ANKRD44: variants seen among roughly 807,000 people sequenced by gnomAD.
ANKRD44 encodes the protein serine/threonine-protein phosphatase 6 regulatory ankyrin repeat subunit B.
ANKRD44 carries 35 observed loss-of-function variants against 116.0 expected under a neutral mutation model. The observed-to-expected ratio is 0.30, with a 90% confidence interval of 0.23 to 0.40. The LOEUF is 0.40. ANKRD44 is among the 10% of genes least tolerant of loss of function. The pLI is 1.00. For missense variants in ANKRD44, 1,014 were observed against 1,242.6 expected (o/e 0.82, Z 2.77); for synonymous variants, 435 against 461.8 (o/e 0.94, Z 0.74).
intron 4 of ANKRD44, among the ~76,000 whole-genome samples, chr2:197,126,333 T>C (rs1002744647): frequency 6.6e-6 from 1 of 152,184 alleles, no homozygotes; most frequent in African/African-American, 2.4e-5. Context: ...TTAGGCCAAA[T>C]GAGAACACCC....
At chr2:197,008,885 C>A (rs1237013426) in intron 19 of ANKRD44, 59 bp downstream of exon 19, 3 of 1,495,364 alleles carry the variant, frequency 2.0e-6, no homozygotes, top group South Asian at 1.1e-5. Context: ...TTTAAGAAAC[C>A]AACCAGGTAG....
intron 1 of ANKRD44, among the ~76,000 whole-genome samples, chr2:197,220,130 T>A (rs2081550322): frequency 6.6e-6 from 1 of 152,216 alleles, no homozygotes; most frequent in African/African-American, 2.4e-5. Flanking sequence ...TATTTTTAAA[T>A]GTAGAAACAA....
chr2:197,242,856 T>A (rs1192662428), intron 1 of ANKRD44, among the ~76,000 whole-genome samples: 1 of 152,138 alleles, frequency 6.6e-6, no homozygotes, highest in Non-Finnish European at 1.5e-5. Context: ...AACAGGGGAA[T>A]TAAGTCAGGA....
At chr2:197,218,979 T>A (rs2125720098) in intron 1 of ANKRD44, among the ~76,000 whole-genome samples, 1 of 151,624 alleles carries the variant, frequency 6.6e-6, no homozygotes, top group African/African-American at 2.4e-5. Flanking sequence ...AGGCTGATCT[T>A]GAATTCCTGA....
chr2:197,124,247 C>T (rs964263909), intron 6 of ANKRD44, among the ~76,000 whole-genome samples: 4 of 152,126 alleles, frequency 2.6e-5, no homozygotes, highest in African/African-American at 7.2e-5. Context: ...CCACCTTTAG[C>T]CACATAATTT....
In ANKRD44 at chr2:197,164,818, G is replaced by GT. The variant is rs112837983; in HGVS notation, c.112-17714dup. On this transcript the variant is annotated intron_variant, in intron 2 of 27. Transcript: ENST00000282272. ...CCTCTGTGTTCCCTGGGTTTTGAGG[G>GT]TTTTTTTTTTCCATTTAGTTTATTC... 5.9e-3 allele frequency among the ~76,000 whole-genome samples: 884 copies of GT among 149,646 alleles called. 7 individuals are homozygous for GT. Among genetic ancestry groups the GT allele is most frequent in the African/African-American group, 0.019 (774 of 40,848 alleles).
intron 21 of ANKRD44, among the ~76,000 whole-genome samples, chr2:196,973,024 GA>G (rs928986064): frequency 1.2e-4 from 18 of 152,164 alleles, no homozygotes; most frequent in African/African-American, 4.3e-4. Context: ...TGCTATCTTA[GA>G]TTTGATGAAA....
intron 2 of ANKRD44, among the ~76,000 whole-genome samples, chr2:197,147,420 A>C (rs1451975617): frequency 1.1e-5 from 1 of 92,884 alleles, no homozygotes; most frequent in African/African-American, 3.2e-5. Context: ...CCAAACCTTC[A>C]GGATGGTTAA....
chr2:197,025,887 G>GT (rs2076582422), intron 16 of ANKRD44, among the ~76,000 whole-genome samples: 1 of 152,142 alleles, frequency 6.6e-6, no homozygotes, highest in Non-Finnish European at 1.5e-5. Flanking sequence ...GACAAACATG[G>GT]TAAGATCAAG....
Position 197,099,799 on chromosome 2 carries a change from T to C in ANKRD44, c.1100+17A>G, listed in dbSNP as rs1278050714. On this transcript the variant is annotated intron_variant, in intron 10 of 27. Transcript: ENST00000282272. Reference sequence around the variant, plus strand: ...CACTTGAGGCAATTATTCCACCGTATTTTTGCGGTAACCTACTTGGCTGTG... The same window carrying C: ...CACTTGAGGCAATTATTCCACCGTACTTTTGCGGTAACCTACTTGGCTGTG... The C allele has an allele frequency of 1.2e-6, 2 of 1,613,540 alleles. No individual in the cohort carries two copies. The highest frequency in any genetic ancestry group is 1.7e-6 in the Non-Finnish European group (2 of 1,179,774).
chr2:197,033,839 G>T (rs2076755296), intron 16 of ANKRD44, among the ~76,000 whole-genome samples: 1 of 152,162 alleles, frequency 6.6e-6, no homozygotes, highest in African/African-American at 2.4e-5. Context: ...TTCCTTTAGT[G>T]ATTCTTCTTT....
At chr2:196,992,251 C>A (rs1007241978) in intron 27 of ANKRD44, among the ~76,000 whole-genome samples, 1 of 152,176 alleles carries the variant, frequency 6.6e-6, no homozygotes, top group Non-Finnish European at 1.5e-5. Context: ...TATCATCACT[C>A]GACCTGCTCT....
chr2:197,137,055 C>T (rs2079236116), intron 3 of ANKRD44, among the ~76,000 whole-genome samples: 1 of 152,188 alleles, frequency 6.6e-6, no homozygotes, highest in African/African-American at 2.4e-5. Context: ...CATCATGGAA[C>T]AGAAGCTCCC....
chr2:197,278,724 C>T (rs1048900819), intron 1 of ANKRD44, among the ~76,000 whole-genome samples: 1 of 152,148 alleles, frequency 6.6e-6, no homozygotes, highest in African/African-American at 2.4e-5. Context: ...GACAGTAAGA[C>T]CAAAAGACCT....
intron 9 of ANKRD44, among the ~76,000 whole-genome samples, chr2:197,101,146 T>G (rs1251215062): frequency 6.6e-6 from 1 of 152,236 alleles, no homozygotes; most frequent in Non-Finnish European, 1.5e-5. Context: ...TCTTGTTGTT[T>G]TAATCCAGGA....
intron 1 of ANKRD44, among the ~76,000 whole-genome samples, chr2:197,292,038 T>C (rs1382517359): frequency 1.3e-5 from 2 of 152,244 alleles, no homozygotes; most frequent in African/African-American, 4.8e-5. Context: ...TATTCTACTG[T>C]GTATATGTGC....
At chr2:197,000,195 AT>A (rs1283096412) in intron 23 of ANKRD44, among the ~76,000 whole-genome samples, 82 of 152,322 alleles carry the variant, frequency 5.4e-4, no homozygotes, top group African/African-American at 1.6e-3. Flanking sequence ...TTAGGAGAAA[AT>A]AAAATTTGTA....
intron 1 of ANKRD44, among the ~76,000 whole-genome samples, chr2:197,217,780 G>A (rs775310490): frequency 4.6e-5 from 7 of 152,122 alleles, no homozygotes; most frequent in Non-Finnish European, 8.8e-5. Context: ...TTTCTCATCC[G>A]TTAAATGAAT....
chr2:197,076,445 T>C (rs772150484), intron 16 of ANKRD44, among the ~76,000 whole-genome samples: 1 of 152,146 alleles, frequency 6.6e-6, no homozygotes, highest in Non-Finnish European at 1.5e-5. Flanking sequence ...AGGGAAAATA[T>C]ATGAGAAAAA....
Sources: gnomAD v4.1 joint callset for allele counts (sites outside exome capture counted in the v4.1 genomes callset) on GRCh38, gnomAD v4.1.1 for gene constraint, MANE v1.5 for transcripts, NCBI Gene and HGNC (gene_info 2026-07-23, HGNC 2026-07-21) for gene names.